Variants in CEP192 observed in about 807,000 individuals in gnomAD.
The protein encoded by CEP192 is centrosomal protein of 192 kDa.
A neutral mutation model predicts 271.8 loss-of-function variants in CEP192; 151 were observed. That is an observed-to-expected ratio of 0.56 (90% CI 0.49 to 0.64). CEP192 has a LOEUF of 0.64. Ranked by LOEUF, CEP192 falls within the 30% of genes least tolerant of loss-of-function variation. CEP192 has a pLI of 0.00. For synonymous variants in CEP192, 995 were observed against 1,076.5 expected (o/e 0.92, Z 1.48); for missense variants, 2,910 against 3,020.5 (o/e 0.96, Z 0.86).
At chr18:13,079,858 T>C (rs58097842) in intron 30 of CEP192, among the ~76,000 whole-genome samples, 6,649 of 152,356 alleles carry the variant, frequency 0.044, 218 homozygotes, top group East Asian at 0.14. Context: ...TACATATGGC[T>C]AGCCAGTTTT....
intron 6 of CEP192, 138 bp downstream of exon 6, chr18:13,015,586 G>A (rs1351514311): frequency 5.6e-6 from 4 of 709,014 alleles, no homozygotes; most frequent in Non-Finnish European, 7.2e-6. Flanking sequence ...CACTCAAATG[G>A]CCACTTCTAT....
At chr18:13,122,673 G>C (rs1023580275) in intron 44 of CEP192, among the ~76,000 whole-genome samples, 9 of 152,214 alleles carry the variant, frequency 5.9e-5, no homozygotes, top group Admixed American at 1.3e-4. Context: ...GGGGCCTGCA[G>C]GGAGTTGGGG....
chr18:13,000,091 C>CTCTCTCTTTTTTT (rs1555698196), intron 2 of CEP192, among the ~76,000 whole-genome samples: 17 of 76,754 alleles, frequency 2.2e-4, no homozygotes, highest in African/African-American at 7.2e-4. Context: ...TGTCTTCTCT[C>CTCTCTCTTTTTTT]TTTTTTTTTT....
chr18:12,996,832 G>A (rs1198661219), intron 1 of CEP192, among the ~76,000 whole-genome samples: 1 of 152,184 alleles, frequency 6.6e-6, no homozygotes, highest in East Asian at 1.9e-4. Flanking sequence ...GCAACAGGGA[G>A]ATCAGGGCTG....
chr18:12,992,412 G>C (rs1230474020), intron 1 of CEP192, among the ~76,000 whole-genome samples: 1 of 152,134 alleles, frequency 6.6e-6, no homozygotes, highest in South Asian at 2.1e-4. Flanking sequence ...ATAGACCTAC[G>C]ATTAATGACT....
intron 11 of CEP192, among the ~76,000 whole-genome samples, chr18:13,035,102 C>T (rs1230134211): frequency 6.6e-6 from 1 of 152,092 alleles, no homozygotes; most frequent in African/African-American, 2.4e-5. Context: ...GATGAGTAGA[C>T]AAGATAACAG....
chr18:13,072,845 G>C lies in CEP192; in HGVS notation c.5439G>C (p.Gln1813His). 2 of 1,606,090 alleles carry C rather than the reference G, an allele frequency of 1.2e-6. No homozygotes were observed. Among genetic ancestry groups the C allele is most frequent in the Non-Finnish European group, 1.7e-6 (2 of 1,172,632 alleles). The change falls in exon 29 of 45, where the codon CAG becomes CAC. Residue 1813 changes from glutamine to histidine, a missense_variant and splice_region_variant. Gln to His is a conservative substitution (Grantham distance 24). Coordinates refer to ENST00000506447, the MANE Select transcript of CEP192 (RefSeq NM_032142.4). ...GAGGACAAGATCAGGACTGCTTTCAGGTTCGTAGAGTACGTGGATTCTTGT... is the reference window on the plus strand; with the variant it reads ...GAGGACAAGATCAGGACTGCTTTCACGTTCGTAGAGTACGTGGATTCTTGT... ...LIRGQDQDCF[Q>H]LQNTFGSEQR...
intron 17 of CEP192, among the ~76,000 whole-genome samples, chr18:13,050,726 C>T (rs980547694): frequency 2.6e-5 from 4 of 151,974 alleles, no homozygotes; most frequent in African/African-American, 4.8e-5. Flanking sequence ...ACCACAGGCA[C>T]GTGCCACCAT....
At chr18:13,033,148 A>G (rs187009170) in intron 11 of CEP192, among the ~76,000 whole-genome samples, 2 of 152,186 alleles carry the variant, frequency 1.3e-5, no homozygotes, top group Non-Finnish European at 2.9e-5. Context: ...TATCGTAAAA[A>G]GTTTTTAAAA....
rs1467927100 is a variant in CEP192, at chr18:13,015,446, C to T, written c.638C>T (p.Ser213Phe). ...TTACCGACAAGCTTGGAAGATTCTTCTGGTACTGCAGAGTAACCTGTGTTT... is the reference window on the plus strand; with the variant it reads ...TTACCGACAAGCTTGGAAGATTCTTTTGGTACTGCAGAGTAACCTGTGTTT... ...LILPTSLEDS[S>F]DDDIDDEMFY... The change falls in exon 6 of 45, where the codon TCT becomes TTT. Residue 213 changes from serine (S) to phenylalanine (F), a missense_variant and splice_region_variant. Ser to Phe is a radical substitution (Grantham distance 155, BLOSUM62 -2). Coordinates refer to ENST00000506447, the MANE Select transcript of CEP192 (RefSeq NM_032142.4). 1.9e-6 allele frequency: 3 copies of T among 1,551,128 alleles called. No homozygotes were observed. The highest frequency in any genetic ancestry group is 1.7e-6 in the Non-Finnish European group (2 of 1,146,748).
intron 11 of CEP192, 51 bp downstream of exon 11, chr18:13,030,659 T>C (rs1440670777): frequency 7.0e-7 from 1 of 1,430,548 alleles, no homozygotes; most frequent in Non-Finnish European, 9.7e-7. Flanking sequence ...TTTCTGATCT[T>C]TCTAAGATTA....
At chr18:13,087,334 T>G in intron 31 of CEP192, 57 bp downstream of exon 31, 2 of 1,429,464 alleles carry the variant, frequency 1.4e-6, no homozygotes, top group Non-Finnish European at 1.9e-6. Flanking sequence ...TTGTTAATAA[T>G]TATGTATTTT....
chr18:13,018,674 TAA>T, intron 8 of CEP192, 59 bp downstream of exon 8: 2 of 994,302 alleles, frequency 2.0e-6, no homozygotes, highest in Non-Finnish European at 2.8e-6. Flanking sequence ...TTACTTTTTT[TAA>T]AAAAAAAATA....
At chr18:13,005,609 C>G (rs555257906) in intron 3 of CEP192, among the ~76,000 whole-genome samples, 1 of 152,152 alleles carries the variant, frequency 6.6e-6, no homozygotes, top group African/African-American at 2.4e-5. Context: ...GTCTTAGACT[C>G]AGTGCCTGGG....
chr18:13,098,283 A>G (rs1370390104), intron 36 of CEP192, among the ~76,000 whole-genome samples: 4 of 147,900 alleles, frequency 2.7e-5, no homozygotes, highest in Admixed American at 2.0e-4. Flanking sequence ...CTGACCCCCC[A>G]CCTCCCTCCT....
chr18:13,019,500 A>G (rs1175131116), intron 9 of CEP192, among the ~76,000 whole-genome samples: 2 of 152,144 alleles, frequency 1.3e-5, no homozygotes, highest in African/African-American at 4.8e-5. Flanking sequence ...CCTTGCTCAA[A>G]CATGTTTGTT....
At chr18:13,113,988 A>G in intron 41 of CEP192, 142 bp from the exon 42 acceptor site, 1 of 935,650 alleles carries the variant, frequency 1.1e-6, no homozygotes, top group South Asian at 1.7e-5. Flanking sequence ...CAGAGTACAG[A>G]GCTTGCAATT....
chr18:13,030,535 C>T lies in CEP192; in HGVS notation c.1461C>T (p.Tyr487=), dbSNP rs767021781. Residue 487 remains tyrosine (Y), a synonymous_variant, in exon 11 of 45, where the codon TAC becomes TAT. Transcript: ENST00000506447. ...EGRWVTDLAY[Y]TSFNSKQNLN... ...GGTGGGTCACAGACCTTGCCTATTA[C>T]ACATCTTTTAATAGCAAACAAAATT... 9 of 1,610,850 alleles carry T rather than the reference C, an allele frequency of 5.6e-6. No homozygotes were observed. In the Admixed American group the frequency reaches 1.2e-4, roughly 21 times the overall value.
intron 3 of CEP192, among the ~76,000 whole-genome samples, chr18:13,005,187 G>C (rs1048462188): frequency 1.3e-5 from 2 of 152,156 alleles, no homozygotes; most frequent in African/African-American, 4.8e-5. Flanking sequence ...ACTTGTCAGA[G>C]CTTGGGGGTA....
Sources: gnomAD v4.1 joint callset for allele counts (sites outside exome capture counted in the v4.1 genomes callset) on GRCh38, gnomAD v4.1.1 for gene constraint, MANE v1.5 for transcripts, NCBI Gene and HGNC (gene_info 2026-07-23, HGNC 2026-07-21) for gene names.